ZNF283: variants seen among roughly 807,000 people sequenced by gnomAD.
The protein encoded by ZNF283 is zinc finger protein 41.
Under a neutral mutation model 9.2 loss-of-function variants are expected in ZNF283, and 10 were observed. The observed-to-expected ratio is 1.09, with a 90% CI of 0.67 to 1.85. ZNF283 has a LOEUF of 1.85. Ranked by LOEUF, ZNF283 falls within the 40% of genes most tolerant of loss-of-function variation. ZNF283 has a pLI of 0.00. For missense variants in ZNF283, 631 were observed against 760.1 expected (o/e 0.83, Z 2.00); for synonymous variants, 234 against 244.1 (o/e 0.96, Z 0.38).
chr19:43,830,715 C>T (rs1180741379), intron 2 of ZNF283, among the ~76,000 whole-genome samples: 1 of 151,600 alleles, frequency 6.6e-6, no homozygotes, highest in African/African-American at 2.4e-5. Flanking sequence ...CCAACCTGAC[C>T]AATATGGTGA....
At chr19:43,841,894 T>G (rs1971229621) in intron 6 of ZNF283, among the ~76,000 whole-genome samples, 1 of 152,230 alleles carries the variant, frequency 6.6e-6, no homozygotes, top group Non-Finnish European at 1.5e-5. Flanking sequence ...TTATATATAC[T>G]TTATTCTCTG....
intron 4 of ZNF283, among the ~76,000 whole-genome samples, chr19:43,835,040 T>C (rs1377614942): frequency 6.6e-6 from 1 of 152,246 alleles, no homozygotes; most frequent in African/African-American, 2.4e-5. Flanking sequence ...ATCTTGATTA[T>C]TTCCCTAAGT....
chr19:43,843,982 C>G (rs892709596), intron 6 of ZNF283, among the ~76,000 whole-genome samples: 6 of 152,100 alleles, frequency 3.9e-5, no homozygotes, highest in Non-Finnish European at 7.4e-5. Context: ...TATATTTCAA[C>G]CTAAATAACA....
chr19:43,841,204 A>G (rs1331294177), intron 6 of ZNF283, among the ~76,000 whole-genome samples: 2 of 152,080 alleles, frequency 1.3e-5, no homozygotes, highest in Non-Finnish European at 2.9e-5. Context: ...GGATTCATCA[A>G]GTATTTTTTA....
Position 43,841,452 on chromosome 19 carries a change from T to G in ZNF283, c.337+4273T>G, listed in dbSNP as rs201658352. The stretch of plus-strand genomic sequence containing the variant: ...ATTTTATCTTTTTTTTTTTTTTTTT[T>G]GAGACAGTCTCACTGTGTCACCCAG... On this transcript the variant is annotated intron_variant, in intron 6 of 6. Coordinates refer to ENST00000618787, the MANE Select transcript of ZNF283 (RefSeq NM_181845.2). The G allele has an allele frequency of 1.3e-4, 19 of 150,466 alleles. No individual in the cohort carries two copies. In the East Asian group the frequency reaches 3.7e-3, roughly 29 times the overall value. 9.3% of individuals were successfully genotyped at this position (150,466 alleles called of 1,614,324 possible).
In ZNF283 at chr19:43,847,408, G is replaced by A; in HGVS notation, c.807G>A (p.Gly269=). The A allele has an allele frequency of 6.2e-7, 1 of 1,614,016 alleles. No individual in the cohort carries two copies. Among genetic ancestry groups the A allele is most frequent in the Non-Finnish European group, 8.5e-7 (1 of 1,179,928 alleles). Reference sequence around the variant, plus strand: ...AACCCTATGAGTGTAAGGAATGTGGGAAGACCTTTAGCTGGGGATCAAGCC... The same window carrying A: ...AACCCTATGAGTGTAAGGAATGTGGAAAGACCTTTAGCTGGGGATCAAGCC... ...GEKPYECKEC[G]KTFSWGSSLV... Residue 269 remains glycine (G), a synonymous_variant, in exon 7 of 7, where the codon GGG becomes GGA. Transcript: ENST00000618787.
At position 43,848,192 on chromosome 19, in the gene ZNF283, G is replaced by T; in HGVS notation, c.1591G>T (p.Val531Phe). ...GKAFNCGSSL[V>F]QHERIHTGEK... The stretch of plus-strand genomic sequence containing the variant: ...GGCTTTTAATTGTGGATCAAGCCTT[G>T]TTCAACATGAAAGAATCCATACAGG... The change falls in exon 7 of 7, where the codon GTT (valine) becomes TTT (phenylalanine). Residue 531 changes from valine to phenylalanine, a missense_variant. Transcript: ENST00000618787. 1 of 1,611,308 alleles carries T rather than the reference G, an allele frequency of 6.2e-7. No individual in the cohort carries two copies. The highest frequency in any genetic ancestry group is 1.1e-5 in the South Asian group (1 of 90,928).
In ZNF283 at chr19:43,848,576, T is replaced by C. The variant is rs1244935407; in HGVS notation, c.1975T>C (p.Cys659Arg). The C allele has an allele frequency of 6.3e-7, 1 of 1,593,150 alleles. No homozygotes were observed. The highest frequency in any genetic ancestry group is 8.6e-7 in the Non-Finnish European group (1 of 1,166,044). The change falls in exon 7 of 7, where the codon TGT becomes CGT. Residue 659 changes from cysteine to arginine, a missense_variant. Cys to Arg is a radical substitution (Grantham distance 180). Coordinates refer to ENST00000618787, the MANE Select transcript of ZNF283 (RefSeq NM_181845.2). ...SNDKPYKYNE[C>R]GEAFLWTTYS... ...TGATAAACCCTACAAATATAACGAA[T>C]GTGGGGAAGCCTTTCTGTGGACAAC...
In ZNF283 at chr19:43,850,466, CT is replaced by C. The variant is rs1214910426; in HGVS notation, c.*1826del. ...CTTTTTTTTTTTTTTGGGACAGGAT[CT>C]CTCTTTCTGTCACCAAGGCTGGAGT... On this transcript the variant is annotated 3_prime_UTR_variant, in exon 7 of 7. Coordinates refer to ENST00000618787, the MANE Select transcript of ZNF283 (RefSeq NM_181845.2). The C allele has an allele frequency of 2.0e-5, 3 of 149,614 alleles. No individual in the cohort carries two copies. Among genetic ancestry groups the C allele is most frequent in the African/African-American group, 7.4e-5 (3 of 40,540 alleles). 9.3% of individuals were successfully genotyped at this position (149,614 alleles called of 1,614,324 possible). A position where few individuals can be genotyped will look rare whatever the true frequency, so the allele number is the denominator to read the frequency against.
In ZNF283 at chr19:43,847,698, A is replaced by C. The variant is rs765565095; in HGVS notation, c.1097A>C (p.Gln366Pro). ...FSRGYQLTQH[Q>P]KIHTGKKPYE... ...CGTGGCTATCAGCTTACTCAGCATC[A>C]GAAAATCCATACTGGTAAGAAACCT... Residue 366 changes from glutamine to proline, a missense_variant, in exon 7 of 7, where the codon CAG (glutamine) becomes CCG (proline). Physicochemically the swap from Gln to Pro is moderately conservative, Grantham distance 76. This residue lies in a region of ZNF283 where 444 missense variants were observed against 522.5 expected (regional missense o/e 0.85). Transcript: ENST00000618787. The C allele has an allele frequency of 6.2e-7, 1 of 1,613,672 alleles. No homozygotes were observed. Among genetic ancestry groups the C allele is most frequent in the Non-Finnish European group, 8.5e-7 (1 of 1,179,650 alleles).
rs561925736 is a variant in ZNF283 at position 43,847,058 on chromosome 19, A to G, written c.457A>G (p.Ile153Val). The G allele has an allele frequency of 5.9e-5, 95 of 1,612,594 alleles. No homozygotes were observed. The highest frequency in any genetic ancestry group is 7.8e-5 in the Non-Finnish European group (92 of 1,179,304). ...KSKTLGLEAS[I>V]FRNNWKCKSI... Reference sequence around the variant, plus strand: ...TAAAACCCTTGGCCTTGAGGCATCCATCTTCAGAAATAATTGGAAGTGCAA... The same window carrying G: ...TAAAACCCTTGGCCTTGAGGCATCCGTCTTCAGAAATAATTGGAAGTGCAA... The change falls in exon 7 of 7, where the codon ATC (isoleucine) becomes GTC (valine). Residue 153 changes from isoleucine to valine, a missense_variant. Coordinates refer to ENST00000618787, the MANE Select transcript of ZNF283 (RefSeq NM_181845.2).
At position 43,849,231 on chromosome 19, in the gene ZNF283, T is replaced by C. The variant is rs7259647; in HGVS notation, c.*590T>C. On this transcript the variant is annotated 3_prime_UTR_variant, in exon 7 of 7. Coordinates refer to ENST00000618787, the MANE Select transcript of ZNF283 (RefSeq NM_181845.2). ...AGTCATAAAATTGTCATCTGTCAAT[T>C]GTGAGATAAACGTGGAAAGTGAGTA... 61,562 of 152,104 alleles carry C rather than the reference T, an allele frequency of 0.4. 12,887 individuals are homozygous for C. The highest frequency in any genetic ancestry group is 0.55 in the South Asian group (2,660 of 4,830). The allele number at this position is 152,104 out of a possible 1,614,324, so 9.4% of individuals were successfully genotyped here.
intron 2 of ZNF283, among the ~76,000 whole-genome samples, chr19:43,829,726 T>A (rs1280071908): frequency 2.6e-5 from 4 of 151,872 alleles, no homozygotes; most frequent in Admixed American, 2.6e-4. Flanking sequence ...GCTTGCAAAT[T>A]AACTAAAAAA....
At chr19:43,842,503 A>G (rs1971251231) in intron 6 of ZNF283, among the ~76,000 whole-genome samples, 1 of 152,224 alleles carries the variant, frequency 6.6e-6, no homozygotes, top group Non-Finnish European at 1.5e-5. Context: ...AGTTAAATTA[A>G]TAGCAGATCA....
At position 43,848,217 on chromosome 19, in the gene ZNF283, G is replaced by A. The variant is rs1365817805; in HGVS notation, c.1616G>A (p.Gly539Glu). The A allele has an allele frequency of 6.2e-7, 1 of 1,613,722 alleles. No individual in the cohort carries two copies. The highest frequency in any genetic ancestry group is 1.1e-5 in the South Asian group (1 of 91,052). ...SLVQHERIHTGEKPYECKECG... is the reference protein window; with the variant it reads ...SLVQHERIHTEEKPYECKECG... ...GTTCAACATGAAAGAATCCATACAG[G>A]GGAGAAACCCTATGAATGTAAAGAA... Residue 539 changes from glycine to glutamate, a missense_variant, in exon 7 of 7, where the codon GGG becomes GAG. By Grantham distance (98) the Gly-to-Glu change is moderately conservative. Around this residue, in one of 3 missense-constraint regions of ZNF283, gnomAD observed 444 missense variants for 522.5 expected, o/e 0.85. Transcript: ENST00000618787.
Position 43,851,181 on chromosome 19 carries a change from GC to G in ZNF283, c.*2541del, listed in dbSNP as rs1194450492. 5 of 152,090 alleles carry G rather than the reference GC, an allele frequency of 3.3e-5. No homozygotes were observed. Among genetic ancestry groups the G allele is most frequent in the Non-Finnish European group, 7.3e-5 (5 of 68,030 alleles). The allele number at this position is 152,090 out of a possible 1,614,324, so 9.4% of individuals were successfully genotyped here. A position where few individuals can be genotyped will look rare whatever the true frequency, so the allele number is the denominator to read the frequency against. ...TAACAGGATATATTATTGGTAACTGGCTATTATGCCACTCCCTCTGGGTGCC... is the reference window on the plus strand; with the variant it reads ...TAACAGGATATATTATTGGTAACTGGTATTATGCCACTCCCTCTGGGTGCC... On this transcript the variant is annotated 3_prime_UTR_variant, in exon 7 of 7. Transcript: ENST00000618787.
At chr19:43,846,792 T>C (rs1971414454) in intron 6 of ZNF283, 147 bp from the exon 7 acceptor site, 1 of 600,960 alleles carries the variant, frequency 1.7e-6, no homozygotes, top group Non-Finnish European at 2.7e-6. Flanking sequence ...AAATCAAGGC[T>C]GAGTTTGTTA....
At chr19:43,846,896 T>G in intron 6 of ZNF283, 43 bp from the exon 7 acceptor site, 146 of 1,071,008 alleles carry the variant, frequency 1.4e-4, no homozygotes, top group Non-Finnish European at 1.6e-4. Context: ...TTTTTTTCCC[T>G]AGTGAAGGAA....
chr19:43,848,343 G>C lies in ZNF283; in HGVS notation c.1742G>C (p.Ser581Thr). 1 of 1,613,684 alleles carries C rather than the reference G, an allele frequency of 6.2e-7. No individual in the cohort carries two copies. Among genetic ancestry groups the C allele is most frequent in the Non-Finnish European group, 8.5e-7 (1 of 1,179,858 alleles). The stretch of plus-strand genomic sequence containing the variant: ...TGTAAGGAATGTGGGAAGGCCTTCA[G>C]TTGGGGTTCAAGCCTAGTTAAGCAT... ...FKCKECGKAF[S>T]WGSSLVKHER... Residue 581 changes from serine (S) to threonine (T), a missense_variant, in exon 7 of 7, where the codon AGT (serine) becomes ACT (threonine). Physicochemically the swap from Ser to Thr is moderately conservative, Grantham distance 58. Around this residue, in one of 3 missense-constraint regions of ZNF283, gnomAD observed 444 missense variants for 522.5 expected, o/e 0.85. Transcript: ENST00000618787.
Sources: gnomAD v4.1 joint callset for allele counts (sites outside exome capture counted in the v4.1 genomes callset) on GRCh38, gnomAD v4.1.1 for gene constraint, gnomAD v4.1.1 regional missense constraint, MANE v1.5 for transcripts, NCBI Gene and HGNC (gene_info 2026-07-23, HGNC 2026-07-21) for gene names.